HCN1: variants seen among roughly 807,000 people sequenced by gnomAD.
HCN1 encodes the protein potassium/sodium hyperpolarization-activated cyclic nucleotide-gated channel 1.
In HCN1, 13 loss-of-function variants were observed where a neutral mutation model predicts 78.9. The observed-to-expected ratio is 0.16, with a 90% CI of 0.11 to 0.26. HCN1 has a LOEUF of 0.26. Ranked by LOEUF, HCN1 falls within the 10% of genes least tolerant of loss-of-function variation. HCN1 has a pLI of 1.00. For synonymous variants in HCN1, 552 were observed against 455.5 expected, an observed-to-expected ratio of 1.21 and a Z score of -2.70; for missense variants, 810 against 1,154.3, an observed-to-expected ratio of 0.70 and a Z score of 4.32.
intron 2 of HCN1, among the ~76,000 whole-genome samples, chr5:45,491,224 T>C (rs78266485): frequency 0.096 from 14,651 of 152,078 alleles, 947 homozygotes; most frequent in Middle Eastern, 0.17. Flanking sequence ...GGAAATAAAT[T>C]TTATATTCTG....
chr5:45,294,204 T>A (rs1319005491), intron 6 of HCN1, among the ~76,000 whole-genome samples: 1 of 152,008 alleles, frequency 6.6e-6, no homozygotes, highest in African/African-American at 2.4e-5. Flanking sequence ...AGTTAACGAA[T>A]AGTCACGGTG....
chr5:45,590,148 T>C (rs1744330096), intron 2 of HCN1, among the ~76,000 whole-genome samples: 1 of 152,208 alleles, frequency 6.6e-6, no homozygotes, highest in Non-Finnish European at 1.5e-5. Flanking sequence ...ATATTCTAAA[T>C]GAATTGTTTA....
In HCN1 at chr5:45,294,245, G is replaced by T. The variant is rs558700565; in HGVS notation, c.1618+9354C>A. 9.9e-5 allele frequency among the ~76,000 whole-genome samples: 15 copies of T among 152,044 alleles called. No individual in the cohort carries two copies. In the East Asian group the frequency reaches 1.6e-3, roughly 16 times the overall value. On this transcript the variant is annotated intron_variant, in intron 6 of 7. Transcript: ENST00000303230. ...GATTGCCTGTGGTTTTTTCGAATCG[G>T]TGTCTCTAAATTTAAAAATGTCAAA... is the stretch of plus-strand genomic sequence containing the variant.
At chr5:45,467,340 C>G (rs192430820) in intron 2 of HCN1, among the ~76,000 whole-genome samples, 1 of 152,186 alleles carries the variant, frequency 6.6e-6, no homozygotes, top group African/African-American at 2.4e-5. Context: ...CGTTATTTGT[C>G]CAGCTATATA....
rs151096617 is a variant in HCN1 at position 45,381,969 on chromosome 5, A to G, written c.1230+14523T>C. 3.6e-4 allele frequency among the ~76,000 whole-genome samples: 55 copies of G among 152,240 alleles called. 1 individual carries two copies. The East Asian group carries it at 0.01, about 28-fold the overall frequency. ...GGCCTGTCTTCCTATTTGAGCTTCA[A>G]TCCTACTGTCCAGCCATTGTCCTCC... is the stretch of plus-strand genomic sequence containing the variant. On this transcript the variant is annotated intron_variant, in intron 4 of 7. Transcript: ENST00000303230.
chr5:45,427,687 T>G (rs1407805882), intron 3 of HCN1, among the ~76,000 whole-genome samples: 1 of 152,136 alleles, frequency 6.6e-6, no homozygotes, highest in Non-Finnish European at 1.5e-5. Context: ...TATAGATACA[T>G]ATATCAAATG....
intron 6 of HCN1, among the ~76,000 whole-genome samples, chr5:45,285,693 G>GA (rs1287589866): frequency 1.3e-5 from 2 of 151,892 alleles, no homozygotes; most frequent in South Asian, 4.1e-4. Context: ...CGATTTCAGT[G>GA]AAAAAAGATC....
At chr5:45,577,784 C>T (rs1743978615) in intron 2 of HCN1, among the ~76,000 whole-genome samples, 1 of 151,942 alleles carries the variant, frequency 6.6e-6, no homozygotes, top group African/African-American at 2.4e-5. Flanking sequence ...GGTTTTATTT[C>T]CTTAAATGTA....
chr5:45,686,821 C>A (rs1046896288), intron 1 of HCN1, among the ~76,000 whole-genome samples: 1 of 152,162 alleles, frequency 6.6e-6, no homozygotes, highest in Admixed American at 6.6e-5. Context: ...TTTACCGCCC[C>A]AGTCTGGACT....
intron 2 of HCN1, among the ~76,000 whole-genome samples, chr5:45,465,966 A>G (rs1741263196): frequency 6.6e-6 from 1 of 152,140 alleles, no homozygotes; most frequent in Non-Finnish European, 1.5e-5. Context: ...TTGGAGTCCA[A>G]TAACTCCAGA....
intron 1 of HCN1, among the ~76,000 whole-genome samples, chr5:45,683,656 C>A (rs938953060): frequency 1.3e-5 from 2 of 151,760 alleles, no homozygotes; most frequent in African/African-American, 4.8e-5. Context: ...TACACACACA[C>A]ACACATATGT....
At chr5:45,385,534 T>A (rs1295809292) in intron 4 of HCN1, among the ~76,000 whole-genome samples, 1 of 152,146 alleles carries the variant, frequency 6.6e-6, no homozygotes, top group African/African-American at 2.4e-5. Flanking sequence ...CTTTCACCCC[T>A]TAAAGACATT....
chr5:45,616,601 G>C (rs1744960295), intron 2 of HCN1, among the ~76,000 whole-genome samples: 1 of 151,858 alleles, frequency 6.6e-6, no homozygotes, highest in Non-Finnish European at 1.5e-5. Context: ...TTGGAAGTTG[G>C]CCACAAAATT....
At chr5:45,511,851 G>A (rs543305655) in intron 2 of HCN1, among the ~76,000 whole-genome samples, 86 of 152,156 alleles carry the variant, frequency 5.7e-4, no homozygotes, top group African/African-American at 1.9e-3. Context: ...TAGTTCGTCA[G>A]ATGTATCAGA....
chr5:45,495,669 G>A (rs1046924761), intron 2 of HCN1, among the ~76,000 whole-genome samples: 28 of 152,234 alleles, frequency 1.8e-4, no homozygotes, highest in Non-Finnish European at 3.2e-4. Context: ...GGTCATCCCT[G>A]TCTTGTGCCA....
intron 3 of HCN1, among the ~76,000 whole-genome samples, chr5:45,457,259 A>C (rs973099323): frequency 2.0e-5 from 3 of 151,994 alleles, no homozygotes; most frequent in Admixed American, 1.3e-4. Flanking sequence ...TGCATCATTT[A>C]TTTTCTTATA....
intron 6 of HCN1, among the ~76,000 whole-genome samples, chr5:45,291,542 TTTTTA>T (rs1222728399): frequency 6.6e-6 from 1 of 151,966 alleles, no homozygotes; most frequent in African/African-American, 2.4e-5. Flanking sequence ...CTTTCTCTCT[TTTTTA>T]TTTTATTTAT....
intron 2 of HCN1, among the ~76,000 whole-genome samples, chr5:45,618,460 T>G (rs575262523): frequency 2.0e-5 from 3 of 152,194 alleles, no homozygotes; most frequent in African/African-American, 7.2e-5. Flanking sequence ...CTGTAAACAA[T>G]GGGAAGTCAT....
At chr5:45,275,576 T>C (rs1216967364) in intron 6 of HCN1, among the ~76,000 whole-genome samples, 1 of 152,288 alleles carries the variant, frequency 6.6e-6, no homozygotes, top group South Asian at 2.1e-4. Flanking sequence ...TTGTAACTCC[T>C]TCAGCTTGCA....
Sources: allele counts gnomAD v4.1 joint callset (sites outside exome capture counted in the v4.1 genomes callset), GRCh38; gene constraint gnomAD v4.1.1; transcripts MANE v1.5; gene names NCBI Gene and HGNC (gene_info 2026-07-23, HGNC 2026-07-21).